Variants in MATCAP2 observed in about 807,000 individuals in gnomAD.
MATCAP2 encodes the protein microtubule associated tyrosine carboxypeptidase 2, also known as putative tyrosine carboxypeptidase MATCAP2.
chr7:36,367,002 C>T, the MATCAP2 span: 3 of 1,310,864 alleles, frequency 2.3e-6, no homozygotes, highest in East Asian at 3.2e-5. Flanking sequence ...CGCGCAGGGG[C>T]GGGCGGCCTC....
chr7:36,367,320 C>T, the MATCAP2 span: 156 of 1,007,504 alleles, frequency 1.5e-4, no homozygotes, highest in Middle Eastern at 1.9e-3. Context: ...GGCCCGCGGG[C>T]GGCGAGAGAG....
chr7:36,388,544 C>T, the MATCAP2 span, among the ~76,000 whole-genome samples: 20 of 152,330 alleles, frequency 1.3e-4, 1 homozygote, highest in South Asian at 1.7e-3. Context: ...AGCTCATGGA[C>T]AGTCACTCTT....
chr7:36,360,135 G>A, the MATCAP2 span, among the ~76,000 whole-genome samples: 1 of 152,154 alleles, frequency 6.6e-6, no homozygotes, highest in Admixed American at 6.5e-5. Context: ...TTACATATAT[G>A]TTGTACTGAT....
At chr7:36,352,926 C>T in the MATCAP2 span, among the ~76,000 whole-genome samples, 1 of 151,956 alleles carries the variant, frequency 6.6e-6, no homozygotes, top group African/African-American at 2.4e-5. Context: ...TCTGGCTTTT[C>T]CTGATTGCTG....
At chr7:36,376,992 G>A in the MATCAP2 span, among the ~76,000 whole-genome samples, 1 of 151,770 alleles carries the variant, frequency 6.6e-6, no homozygotes, top group Non-Finnish European at 1.5e-5. Context: ...GCCTATGTTT[G>A]TCTCTGCATT....
At chr7:36,379,358 G>A in the MATCAP2 span, among the ~76,000 whole-genome samples, 1 of 152,142 alleles carries the variant, frequency 6.6e-6, no homozygotes, top group Non-Finnish European at 1.5e-5. Flanking sequence ...TGGTTGTGGG[G>A]CAGAGGAATA....
At chr7:36,357,263 C>G in the MATCAP2 span, 1 of 1,614,166 alleles carries the variant, frequency 6.2e-7, no homozygotes, top group South Asian at 1.1e-5. Flanking sequence ...AGCAGGCCGC[C>G]TCTCCAGGCA....
the MATCAP2 span, among the ~76,000 whole-genome samples, chr7:36,375,482 T>A: frequency 4.6e-5 from 7 of 152,238 alleles, no homozygotes; most frequent in East Asian, 1.2e-3. Flanking sequence ...GCTGCTGGAT[T>A]CGGTTTGCCA....
At chr7:36,363,118 AAGG>A in the MATCAP2 span, among the ~76,000 whole-genome samples, 1 of 152,192 alleles carries the variant, frequency 6.6e-6, no homozygotes, top group Admixed American at 6.5e-5. Flanking sequence ...TTATCCCAGG[AAGG>A]TAAAAGAAAA....
chr7:36,324,673 G>A, the MATCAP2 span: 5 of 152,086 alleles, frequency 3.3e-5, no homozygotes, highest in Admixed American at 3.3e-4. Context: ...AAAACTTAAA[G>A]CTCTTTATTT....
chr7:36,361,808 T>C, the MATCAP2 span, among the ~76,000 whole-genome samples: 2 of 152,194 alleles, frequency 1.3e-5, no homozygotes, highest in Non-Finnish European at 2.9e-5. Flanking sequence ...TACGCTCATA[T>C]AACAGAAGAC....
the MATCAP2 span, among the ~76,000 whole-genome samples, chr7:36,353,100 C>A: frequency 2.6e-5 from 4 of 152,044 alleles, no homozygotes; most frequent in East Asian, 3.9e-4. Flanking sequence ...GAGACCCCCC[C>A]ACCTATCCAA....
At chr7:36,327,017 A>C in the MATCAP2 span, 1 of 1,021,630 alleles carries the variant, frequency 9.8e-7, no homozygotes, top group Non-Finnish European at 1.4e-6. Context: ...TATACAGATC[A>C]TTTGTCAAAT....
the MATCAP2 span, among the ~76,000 whole-genome samples, chr7:36,370,736 C>G: frequency 6.6e-6 from 1 of 152,202 alleles, no homozygotes; most frequent in South Asian, 2.1e-4. Context: ...CCACCTTGGC[C>G]TCACAAAGTG....
the MATCAP2 span, among the ~76,000 whole-genome samples, chr7:36,384,421 T>A: frequency 6.6e-6 from 1 of 152,218 alleles, no homozygotes; most frequent in Non-Finnish European, 1.5e-5. Context: ...GCATCTCAGT[T>A]TTCCCATCTC....
At chr7:36,326,692 G>T in the MATCAP2 span, 1 of 1,350,466 alleles carries the variant, frequency 7.4e-7, no homozygotes, top group Non-Finnish European at 1.0e-6. Flanking sequence ...ATCTTCTGGT[G>T]CTAACTGCAC....
chr7:36,383,778 G>A, the MATCAP2 span: 117 of 927,450 alleles, frequency 1.3e-4, no homozygotes, highest in African/African-American at 1.6e-3. Context: ...AAACCTGCAC[G>A]TTCTGCACAT....
the MATCAP2 span, among the ~76,000 whole-genome samples, chr7:36,387,910 C>T: frequency 2.6e-5 from 4 of 152,064 alleles, no homozygotes; most frequent in African/African-American, 9.7e-5. Flanking sequence ...GCCCCAAATA[C>T]ATACACACCT....
At chr7:36,389,683 C>T in the MATCAP2 span, 3 of 252,990 alleles carry the variant, frequency 1.2e-5, no homozygotes, top group Admixed American at 5.6e-5. Context: ...TGCCCGCCTC[C>T]ACCCCGCGGC....
Sources: gnomAD v4.1 joint callset for allele counts (sites outside exome capture counted in the v4.1 genomes callset) on GRCh38, gnomAD v4.1.1 for gene constraint, MANE v1.5 for transcripts, NCBI Gene and HGNC (gene_info 2026-07-23, HGNC 2026-07-21) for gene names.